Variants in DNM3 observed in about 807,000 individuals in gnomAD.
The protein encoded by DNM3 is dynamin-3.
A neutral mutation model predicts 101.6 loss-of-function variants in DNM3; 47 were observed. The ratio of observed to expected loss-of-function variants is 0.46; its 90% CI spans 0.37 to 0.59. DNM3 has a LOEUF of 0.59. Among genes scored for constraint, DNM3 ranks in the 20% least tolerant of loss-of-function variants. DNM3 has a pLI of 0.00. For synonymous variants in DNM3, 385 were observed against 387.9 expected (o/e 0.99, Z 0.09); for missense variants, 849 against 1,085.7 (o/e 0.78, Z 3.06).
chr1:172,162,530 C>T (rs368820892), intron 14 of DNM3, among the ~76,000 whole-genome samples: 5 of 151,970 alleles, frequency 3.3e-5, no homozygotes, highest in East Asian at 3.9e-4. Flanking sequence ...TGACAGCTTT[C>T]TTATGTATTT....
chr1:172,035,080 A>G (rs1026807724), intron 6 of DNM3, among the ~76,000 whole-genome samples: 2 of 152,064 alleles, frequency 1.3e-5, no homozygotes, highest in Non-Finnish European at 2.9e-5. Context: ...GTGGAGAGTA[A>G]AAAAAGGGGC....
intron 16 of DNM3, chr1:172,311,101 T>C (rs984197287): frequency 6.6e-6 from 1 of 152,136 alleles, no homozygotes; most frequent in Non-Finnish European, 1.5e-5. Context: ...AGGGAAAGCA[T>C]TGAACAGGGC....
chr1:172,277,688 T>C (rs1469381121), intron 15 of DNM3, among the ~76,000 whole-genome samples: 2 of 152,036 alleles, frequency 1.3e-5, no homozygotes, highest in Non-Finnish European at 2.9e-5. Context: ...ATTAAAATAA[T>C]TGATGAGGTA....
At chr1:172,361,526 T>C (rs949799115) in intron 17 of DNM3, among the ~76,000 whole-genome samples, 38 of 151,916 alleles carry the variant, frequency 2.5e-4, no homozygotes, top group African/African-American at 8.9e-4. Flanking sequence ...TACTGCAGGG[T>C]TCTCAAACTG....
intron 11 of DNM3, among the ~76,000 whole-genome samples, chr1:172,080,810 G>C (rs757956288): frequency 6.6e-6 from 1 of 152,198 alleles, no homozygotes; most frequent in African/African-American, 2.4e-5. Flanking sequence ...TGGGAAAAGC[G>C]TAGTATCTGG....
At chr1:172,108,106 A>G (rs2055197559) in intron 13 of DNM3, among the ~76,000 whole-genome samples, 1 of 152,180 alleles carries the variant, frequency 6.6e-6, no homozygotes, top group Non-Finnish European at 1.5e-5. Flanking sequence ...AGGACATTTT[A>G]TCATAAATTT....
At chr1:172,128,082 T>C (rs746287554) in intron 13 of DNM3, among the ~76,000 whole-genome samples, 3 of 152,190 alleles carry the variant, frequency 2.0e-5, no homozygotes, top group Non-Finnish European at 2.9e-5. Flanking sequence ...CATGATCTTA[T>C]TGCTTTTGTT....
At position 172,038,342 on chromosome 1, in the gene DNM3, T is replaced by C. The variant is rs563610918; in HGVS notation, c.873T>C (p.Asp291=). 164 of 1,613,362 alleles carry C rather than the reference T, an allele frequency of 1.0e-4. 1 individual carries two copies. The highest frequency in any genetic ancestry group is 1.2e-4 in the Non-Finnish European group (146 of 1,179,530). ...AGCAACTTACCAACCACATTCGGGATACCCTACCAAACTTCAGGAACAAAC... is the reference window on the plus strand; with the variant it reads ...AGCAACTTACCAACCACATTCGGGACACCCTACCAAACTTCAGGAACAAAC... ...LNQQLTNHIR[D]TLPNFRNKLQ... is the part of the protein sequence containing the mutation. Residue 291 remains aspartate, a synonymous_variant, in exon 7 of 21, where the codon GAT becomes GAC. Transcript: ENST00000627582.
At chr1:171,963,592 T>C (rs1456076171) in intron 2 of DNM3, among the ~76,000 whole-genome samples, 4 of 152,070 alleles carry the variant, frequency 2.6e-5, no homozygotes, top group African/African-American at 4.8e-5. Flanking sequence ...CATGTTGATA[T>C]TGGGGTAATG....
intron 2 of DNM3, among the ~76,000 whole-genome samples, chr1:171,976,585 C>T (rs545745721): frequency 2.6e-5 from 4 of 152,302 alleles, no homozygotes; most frequent in Non-Finnish European, 4.4e-5. Flanking sequence ...ATGGGAGCTA[C>T]AATTCAAGAT....
chr1:171,892,883 A>G (rs1261701635), intron 1 of DNM3, among the ~76,000 whole-genome samples: 2 of 149,880 alleles, frequency 1.3e-5, no homozygotes, highest in Admixed American at 6.6e-5. Context: ...ATGAGAATCT[A>G]TTGCCACCAC....
chr1:172,223,573 A>G (rs1303732931), intron 14 of DNM3, among the ~76,000 whole-genome samples: 1 of 152,086 alleles, frequency 6.6e-6, no homozygotes, highest in Admixed American at 6.6e-5. Flanking sequence ...CAGCATCAAA[A>G]CATCTAAACT....
In DNM3 at chr1:171,892,822, A is replaced by G. The variant is rs140718965; in HGVS notation, c.162-28926A>G. On this transcript the variant is annotated intron_variant, in intron 1 of 20. Coordinates refer to ENST00000627582, the MANE Select transcript of DNM3 (RefSeq NM_015569.5). ...GTGTCACTTAGTTGACCTAAGGCGC[A>G]TGCAACCTAGATCCCTTGCATAAGC... Among the ~76,000 whole-genome samples the G allele has an allele frequency of 1.6e-3, 237 of 152,196 alleles. 2 individuals carry two copies. Among genetic ancestry groups the G allele is most frequent in the Non-Finnish European group, 1.7e-3 (117 of 68,024 alleles).
intron 11 of DNM3, among the ~76,000 whole-genome samples, chr1:172,077,251 C>G (rs145237720): frequency 0.044 from 6,741 of 151,868 alleles, 346 homozygotes; most frequent in East Asian, 0.14. Context: ...TTTTGTTAAT[C>G]TTTTCAAAAA....
At chr1:172,249,200 G>A (rs2062073307) in intron 14 of DNM3, among the ~76,000 whole-genome samples, 2 of 152,094 alleles carry the variant, frequency 1.3e-5, no homozygotes, top group Admixed American at 6.6e-5. Context: ...ATGGTGCTCT[G>A]CCAGCTAGAG....
At chr1:171,853,885 T>G (rs2033274132) in intron 1 of DNM3, among the ~76,000 whole-genome samples, 1 of 152,208 alleles carries the variant, frequency 6.6e-6, no homozygotes, top group African/African-American at 2.4e-5. Context: ...CTACTTGGTT[T>G]TCAAAACTTT....
intron 13 of DNM3, among the ~76,000 whole-genome samples, chr1:172,105,098 G>T (rs560205098): frequency 2.6e-5 from 4 of 152,140 alleles, no homozygotes; most frequent in Non-Finnish European, 2.9e-5. Context: ...TTATTCCAAA[G>T]GGGCTAATGT....
rs1320898308 is a variant in DNM3, at chr1:172,278,667, T to C, written c.1769+24985T>C. Among the ~76,000 whole-genome samples, 4 of 152,140 alleles carry C rather than the reference T, an allele frequency of 2.6e-5. No individual in the cohort carries two copies. The South Asian group carries it at 8.3e-4, about 31-fold the overall frequency. ...ATAAACATCCCTGCTGTGTCCTGCC[T>C]TCAGTTAAAAATCAGGAATATCAGC... On this transcript the variant is annotated intron_variant, in intron 15 of 20. Transcript: ENST00000627582.
chr1:171,868,220 G>A (rs1290179535), intron 1 of DNM3, among the ~76,000 whole-genome samples: 3 of 152,120 alleles, frequency 2.0e-5, no homozygotes, highest in Non-Finnish European at 2.9e-5. Flanking sequence ...TTGAGTGAGT[G>A]TTATTTTCTA....
Sources: gnomAD v4.1 joint callset for allele counts (sites outside exome capture counted in the v4.1 genomes callset) on GRCh38, gnomAD v4.1.1 for gene constraint, MANE v1.5 for transcripts, NCBI Gene and HGNC (gene_info 2026-07-23, HGNC 2026-07-21) for gene names.